The following DCHS2 variants were observed in gnomAD, a reference collection of about 807,000 sequenced individuals.
DCHS2 encodes dachsous cadherin-related 2.
Under a neutral mutation model 182.4 loss-of-function variants are expected in DCHS2, and 142 were observed. That is an observed-to-expected ratio of 0.78 (90% CI 0.68 to 0.89). The LOEUF (loss-of-function observed/expected upper bound fraction) is 0.89. Among genes scored for constraint, DCHS2 ranks in the 40% least tolerant of loss-of-function variants. DCHS2 has a pLI of 0.00. For missense variants in DCHS2, 4,319 were observed against 4,198.6 expected (o/e 1.03, Z -0.79); for synonymous variants, 1,740 against 1,663.3 (o/e 1.05, Z -1.12).
At chr4:154,478,042 T>C (rs993016621) in intron 1 of DCHS2, among the ~76,000 whole-genome samples, 6 of 150,930 alleles carry the variant, frequency 4.0e-5, no homozygotes, top group African/African-American at 1.5e-4. Context: ...TTACACTAGG[T>C]GAAGCTTAAA....
intron 1 of DCHS2, among the ~76,000 whole-genome samples, chr4:154,382,965 G>A (rs192821053): frequency 2.5e-4 from 38 of 152,176 alleles, no homozygotes; most frequent in Non-Finnish European, 4.6e-4. Flanking sequence ...ACTACCATTC[G>A]AACAATAATC....
chr4:154,376,511 T>A (rs183780815), intron 2 of DCHS2, among the ~76,000 whole-genome samples: 1 of 152,198 alleles, frequency 6.6e-6, no homozygotes, highest in Non-Finnish European at 1.5e-5. Flanking sequence ...AATTCCTGTA[T>A]GAATTATACT....
In DCHS2 at chr4:154,381,262, C is replaced by T. The variant is rs191401087; in HGVS notation, c.2053-3818G>A. The stretch of plus-strand genomic sequence containing the variant: ...CTTCTTCCAACTCAGAATTGTTCTC[C>T]CCAAGTCTATCTTTCACAAGTTTGA... On this transcript the variant is annotated intron_variant, in intron 1 of 19. Coordinates refer to ENST00000357232, the MANE Select transcript of DCHS2 (RefSeq NM_001358235.2). Among the ~76,000 whole-genome samples, 438 of 152,088 alleles carry T rather than the reference C, an allele frequency of 2.9e-3. 1 individual carries two copies. Among genetic ancestry groups the T allele is most frequent in the African/African-American group, 0.01 (416 of 41,496 alleles).
Position 154,322,840 on chromosome 4 carries a change from T to C in DCHS2, c.4019-352A>G. On this transcript the variant is annotated intron_variant, in intron 7 of 19. Transcript: ENST00000357232. ...AAGTTCCAGAAGTCATATTATTTCT[T>C]CTGTATATATTTCAAAATGCATCTT... 3 of 249,238 alleles carry C rather than the reference T, an allele frequency of 1.2e-5. 1 individual carries two copies. Among genetic ancestry groups the C allele is most frequent in the Non-Finnish European group, 2.3e-5 (3 of 131,054 alleles). 15.4% of individuals were successfully genotyped at this position (249,238 alleles called of 1,614,324 possible).
In DCHS2 at chr4:154,491,292, G is replaced by A. The variant is rs183736948; in HGVS notation, c.64C>T (p.Leu22Phe). 10,024 of 1,549,132 alleles carry A rather than the reference G, an allele frequency of 6.5e-3. 34 individuals are homozygous for A. Among genetic ancestry groups the A allele is most frequent in the Non-Finnish European group, 7.9e-3 (9,035 of 1,145,460 alleles). Residue 22 changes from leucine to phenylalanine, a missense_variant, in exon 1 of 20, where the codon CTC becomes TTC. Physicochemically the swap from Leu to Phe is conservative, Grantham distance 22. Coordinates refer to ENST00000357232, the MANE Select transcript of DCHS2 (RefSeq NM_001358235.2). ...TCTCTCCTCCCGGGGAGCAGAAGGA[G>A]CTTCCCGACCGGAGCCCGCCGCTGC... Reference protein sequence around the residue: ...RQQRRAPVGKLLLLPGRRDTP... With the variant: ...RQQRRAPVGKFLLLPGRRDTP...
intron 1 of DCHS2, among the ~76,000 whole-genome samples, chr4:154,413,447 C>T (rs1732710134): frequency 1.3e-5 from 2 of 152,182 alleles, no homozygotes; most frequent in Non-Finnish European, 2.9e-5. Flanking sequence ...TGAGACATTG[C>T]ATTTTAGATC....
intron 1 of DCHS2, among the ~76,000 whole-genome samples, chr4:154,442,289 A>G (rs1343918580): frequency 6.6e-6 from 1 of 151,910 alleles, no homozygotes; most frequent in East Asian, 1.9e-4. Flanking sequence ...CCTTACTATC[A>G]TTCCTCCACC....
At chr4:154,322,883 A>T (rs1736123315) in intron 7 of DCHS2, 1 of 254,104 alleles carries the variant, frequency 3.9e-6, no homozygotes, top group Non-Finnish European at 7.5e-6. Context: ...TAAATATTTT[A>T]ACACAATCAT....
intron 1 of DCHS2, among the ~76,000 whole-genome samples, chr4:154,427,078 CTG>C (rs1372381956): frequency 6.6e-6 from 1 of 152,156 alleles, no homozygotes; most frequent in Non-Finnish European, 1.5e-5. Context: ...AGGCTAAACA[CTG>C]TGATTTGATC....
At chr4:154,472,923 T>C (rs190899569) in intron 1 of DCHS2, among the ~76,000 whole-genome samples, 1 of 152,320 alleles carries the variant, frequency 6.6e-6, no homozygotes, top group African/African-American at 2.4e-5. Flanking sequence ...AACAGAAATG[T>C]ATATTTTAAG....
intron 1 of DCHS2, among the ~76,000 whole-genome samples, chr4:154,483,300 A>G (rs567336105): frequency 1.3e-5 from 2 of 152,370 alleles, no homozygotes; most frequent in African/African-American, 4.8e-5. Flanking sequence ...AGATTAAAAA[A>G]TAAATGCAAA....
chr4:154,371,565 C>A (rs1730647289), intron 2 of DCHS2, among the ~76,000 whole-genome samples: 1 of 152,158 alleles, frequency 6.6e-6, no homozygotes, highest in South Asian at 2.1e-4. Context: ...TGTATTAGTC[C>A]ATTCTCACAT....
At chr4:154,356,688 C>A (rs1487114822) in intron 3 of DCHS2, among the ~76,000 whole-genome samples, 1 of 152,140 alleles carries the variant, frequency 6.6e-6, no homozygotes, top group African/African-American at 2.4e-5. Context: ...CGGTAACATG[C>A]TGCATAGGTT....
At chr4:154,260,447 C>T (rs985324247) in intron 14 of DCHS2, among the ~76,000 whole-genome samples, 44 of 152,110 alleles carry the variant, frequency 2.9e-4, no homozygotes, top group Admixed American at 7.2e-4. Flanking sequence ...CCTGCATTAG[C>T]CACAAAATTG....
At chr4:154,403,288 G>A (rs1323388134) in intron 1 of DCHS2, among the ~76,000 whole-genome samples, 1 of 152,082 alleles carries the variant, frequency 6.6e-6, no homozygotes, top group Non-Finnish European at 1.5e-5. Flanking sequence ...TATAAAATTA[G>A]CTATAAATTT....
At chr4:154,257,024 T>A (rs1478076991) in intron 15 of DCHS2, among the ~76,000 whole-genome samples, 2 of 151,772 alleles carry the variant, frequency 1.3e-5, no homozygotes, top group East Asian at 3.9e-4. Context: ...CCAAGGCGGG[T>A]GGATTACGAG....
rs1017778056 is a variant in DCHS2 at position 154,273,150 on chromosome 4, T to C, written c.6464-3137A>G. The stretch of plus-strand genomic sequence containing the variant: ...TACAAAAAAGATACCTGTGTATGCG[T>C]GTTTAGGGCAGCACAATTCACAATT... On this transcript the variant is annotated intron_variant, in intron 13 of 19. Transcript: ENST00000357232. Among the ~76,000 whole-genome samples, 6 of 152,256 alleles carry C rather than the reference T, an allele frequency of 3.9e-5. No homozygotes were observed. The South Asian group carries it at 1.0e-3, about 26-fold the overall frequency.
intron 1 of DCHS2, among the ~76,000 whole-genome samples, chr4:154,427,075 A>G (rs1282121489): frequency 4.6e-5 from 7 of 152,228 alleles, no homozygotes; most frequent in Admixed American, 1.3e-4. Flanking sequence ...GATAGGCTAA[A>G]CACTGTGATT....
At chr4:154,459,535 T>C (rs1734918654) in intron 1 of DCHS2, among the ~76,000 whole-genome samples, 1 of 152,134 alleles carries the variant, frequency 6.6e-6, no homozygotes, top group Non-Finnish European at 1.5e-5. Flanking sequence ...CTGTCTGATA[T>C]CAGACCCTTC....
Sources: allele counts gnomAD v4.1 joint callset (sites outside exome capture counted in the v4.1 genomes callset), GRCh38; gene constraint gnomAD v4.1.1; transcripts MANE v1.5; gene names NCBI Gene and HGNC (gene_info 2026-07-23, HGNC 2026-07-21).